The following DCTN6 variants were observed in gnomAD, a reference collection of about 807,000 sequenced individuals.
DCTN6 encodes dynactin subunit 6.
Under a neutral mutation model 25.8 loss-of-function variants are expected in DCTN6, and 15 were observed. That is an observed-to-expected ratio of 0.58 (90% CI 0.39 to 0.89). DCTN6 has a LOEUF of 0.89. Ranked by LOEUF, DCTN6 falls within the 40% of genes least tolerant of loss-of-function variation. The pLI is 0.00. For missense variants in DCTN6, 198 were observed against 237.6 expected (o/e 0.83, Z 1.09); for synonymous variants, 64 against 78.3 (o/e 0.82, Z 0.96).
At chr8:30,172,215 G>A (rs1803772699) in intron 2 of DCTN6, among the ~76,000 whole-genome samples, 5 of 152,006 alleles carry the variant, frequency 3.3e-5, no homozygotes, top group Middle Eastern at 6.8e-3. Flanking sequence ...ATTATTAAGG[G>A]ACCTGTGAAA....
At chr8:30,176,927 A>T (rs2117595979) in intron 3 of DCTN6, 199 bp from the exon 4 acceptor site, 1 of 441,452 alleles carries the variant, frequency 2.3e-6, no homozygotes, top group East Asian at 4.2e-5. Flanking sequence ...GTGATCCAAG[A>T]TGGTGCCACT....
rs367828651 is a variant in DCTN6 at position 30,156,410 on chromosome 8, G to A, written c.23+4G>A. On this transcript the variant is annotated splice_donor_region_variant and intron_variant, in intron 1 of 6. Transcript: ENST00000221114. ...TGGCGGAGAAGACTCAAAAGAGGTG[G>A]GTTTGCTGCTTGAGAAAAGCCTTTT... 3.1e-6 allele frequency: 5 copies of A among 1,603,686 alleles called. No homozygotes were observed. In the African/African-American group the frequency reaches 6.7e-5, roughly 21 times the overall value.
intron 2 of DCTN6, among the ~76,000 whole-genome samples, chr8:30,168,885 T>C (rs1393945422): frequency 6.6e-6 from 1 of 152,254 alleles, no homozygotes; most frequent in Non-Finnish European, 1.5e-5. Flanking sequence ...TAAGGTTTCA[T>C]AGCATCAAGC....
intron 1 of DCTN6, among the ~76,000 whole-genome samples, chr8:30,159,917 A>G (rs1370365323): frequency 6.6e-6 from 1 of 152,084 alleles, no homozygotes; most frequent in Non-Finnish European, 1.5e-5. Flanking sequence ...GTAAGCCACC[A>G]TACCCAGCTA....
intron 1 of DCTN6, among the ~76,000 whole-genome samples, chr8:30,157,120 A>G (rs1803537030): frequency 6.6e-6 from 1 of 152,108 alleles, no homozygotes; most frequent in Non-Finnish European, 1.5e-5. Flanking sequence ...TAGAGTCCCC[A>G]GTGTCTGTTA....
intron 2 of DCTN6, among the ~76,000 whole-genome samples, chr8:30,172,526 C>T (rs774266171): frequency 3.3e-5 from 5 of 151,916 alleles, no homozygotes; most frequent in Admixed American, 6.6e-5. Context: ...TCTTGGCTCA[C>T]GGCACCTTCC....
chr8:30,174,839 T>G (rs920115414), intron 2 of DCTN6, among the ~76,000 whole-genome samples: 9 of 152,128 alleles, frequency 5.9e-5, no homozygotes, highest in Non-Finnish European at 1.5e-5. Context: ...AGCTTCCGAG[T>G]GGAGGCTGAG....
At chr8:30,179,268 CAA>C (rs768288612) in intron 4 of DCTN6, 138 bp from the exon 5 acceptor site, 4 of 514,156 alleles carry the variant, frequency 7.8e-6, no homozygotes, top group Non-Finnish European at 1.4e-5. Flanking sequence ...TTGCCCAGAG[CAA>C]AGAGTTCTGG....
At position 30,180,729 on chromosome 8, in the gene DCTN6, T is replaced by C. The variant is rs117784703; in HGVS notation, c.474+99T>C. 440 of 1,372,062 alleles carry C rather than the reference T, an allele frequency of 3.2e-4. 4 individuals carry two copies. The East Asian group carries it at 0.011, about 35-fold the overall frequency. The allele number at this position is 1,372,062 out of a possible 1,614,324, so 85.0% of individuals were successfully genotyped here. A position where few individuals can be genotyped will look rare whatever the true frequency, so the allele number is the denominator to read the frequency against. On this transcript the variant is annotated intron_variant, in intron 6 of 6. Transcript: ENST00000221114. ...GCAGCAGGTACACTATTTAAGAACATAATTAAAATAAAACAAAAGATGCCA... is the reference window on the plus strand; with the variant it reads ...GCAGCAGGTACACTATTTAAGAACACAATTAAAATAAAACAAAAGATGCCA...
intron 3 of DCTN6, 142 bp downstream of exon 3, chr8:30,175,332 C>A: frequency 3.0e-6 from 2 of 657,720 alleles, no homozygotes; most frequent in Non-Finnish European, 2.5e-6. Flanking sequence ...TCTTTTTCAA[C>A]ATAAGTAAAT....
intron 1 of DCTN6, among the ~76,000 whole-genome samples, chr8:30,162,108 G>A (rs2174131): frequency 2.0e-5 from 3 of 149,716 alleles, no homozygotes; most frequent in African/African-American, 7.4e-5. Context: ...TTTTCTTTTC[G>A]AGATGGAGTC....
intron 6 of DCTN6, among the ~76,000 whole-genome samples, chr8:30,182,745 T>G (rs756290370): frequency 6.6e-6 from 1 of 151,028 alleles, no homozygotes; most frequent in East Asian, 1.9e-4. Flanking sequence ...CAGGCTGGAG[T>G]GCAGTGGTGT....
chr8:30,169,369 A>G (rs1306348303), intron 2 of DCTN6, among the ~76,000 whole-genome samples: 1 of 152,256 alleles, frequency 6.6e-6, no homozygotes, highest in Non-Finnish European at 1.5e-5. Flanking sequence ...GATAGACAGG[A>G]AAAGTGTCCT....
chr8:30,183,008 C>A, intron 6 of DCTN6, 67 bp from the exon 7 acceptor site: 1 of 1,373,524 alleles, frequency 7.3e-7, no homozygotes, highest in Non-Finnish European at 1.0e-6. Flanking sequence ...CCCACCACGC[C>A]TGGTTGCTGT....
At chr8:30,180,007 G>T (rs550547211) in intron 5 of DCTN6, among the ~76,000 whole-genome samples, 11 of 152,292 alleles carry the variant, frequency 7.2e-5, no homozygotes, top group African/African-American at 2.6e-4. Flanking sequence ...TTGGTCCTGA[G>T]TGGCACGAAA....
At chr8:30,180,707 G>A (rs764999586) in intron 6 of DCTN6, 77 bp downstream of exon 6, 1 of 1,500,236 alleles carries the variant, frequency 6.7e-7, no homozygotes, top group Non-Finnish European at 9.1e-7. Context: ...TCATGAGGCA[G>A]CAGGTACACT....
chr8:30,173,030 TA>T (rs1803784107), intron 2 of DCTN6, among the ~76,000 whole-genome samples: 1 of 152,222 alleles, frequency 6.6e-6, no homozygotes, highest in African/African-American at 2.4e-5. Flanking sequence ...CCATCCTGAA[TA>T]GGAGAATATG....
At chr8:30,168,534 T>C (rs1213850885) in intron 2 of DCTN6, among the ~76,000 whole-genome samples, 1 of 152,244 alleles carries the variant, frequency 6.6e-6, no homozygotes, top group Non-Finnish European at 1.5e-5. Flanking sequence ...CAATAAACTG[T>C]TGTTTAATTC....
chr8:30,156,947 C>G (rs1473017393), intron 1 of DCTN6, among the ~76,000 whole-genome samples: 1 of 152,234 alleles, frequency 6.6e-6, no homozygotes, highest in Non-Finnish European at 1.5e-5. Context: ...GACACACACA[C>G]ACACACATTA....
Sources: allele counts gnomAD v4.1 joint callset (sites outside exome capture counted in the v4.1 genomes callset), GRCh38; gene constraint gnomAD v4.1.1; transcripts MANE v1.5; gene names NCBI Gene and HGNC (gene_info 2026-07-23, HGNC 2026-07-21).